The following PBX1 variants were observed in gnomAD, a reference collection of about 807,000 sequenced individuals.
The protein encoded by PBX1 is PBX homeobox 1.
A neutral mutation model predicts 53.4 loss-of-function variants in PBX1; 6 were observed. The ratio of observed to expected loss-of-function variants is 0.11; its 90% CI spans 0.06 to 0.22. The LOEUF (loss-of-function observed/expected upper bound fraction) is 0.22. Ranked by LOEUF, PBX1 falls within the 10% of genes least tolerant of loss-of-function variation. The pLI is 1.00. For synonymous variants in PBX1, 204 were observed against 212.3 expected (o/e 0.96, Z 0.34); for missense variants, 251 against 551.4 (o/e 0.46, Z 5.46).
In PBX1 at chr1:164,848,837, T is replaced by C. The variant is rs1289731312; in HGVS notation, c.*2161T>C. The C allele has an allele frequency of 3.8e-6, 4 of 1,064,752 alleles. No individual in the cohort carries two copies. The highest frequency in any genetic ancestry group is 9.1e-5 in the South Asian group (2 of 22,028). The allele number at this position is 1,064,752 out of a possible 1,614,324, so 66.0% of individuals were successfully genotyped here. A position where few individuals can be genotyped will look rare whatever the true frequency, so the allele number is the denominator to read the frequency against. On this transcript the variant is annotated 3_prime_UTR_variant, in exon 9 of 9. Transcript: ENST00000420696. ...AGTCATAAATAGAAAACACTGTGTG[T>C]GCTCAGGGGAGCAGGGGATGCCACT...
At chr1:164,794,954 A>G (rs1291897850) in intron 3 of PBX1, among the ~76,000 whole-genome samples, 1 of 152,206 alleles carries the variant, frequency 6.6e-6, no homozygotes, top group Non-Finnish European at 1.5e-5. Context: ...GTTGCCAGTA[A>G]TATGGAACTG....
At chr1:164,799,313 AC>A (rs1668942402) in intron 3 of PBX1, among the ~76,000 whole-genome samples, 1 of 151,966 alleles carries the variant, frequency 6.6e-6, no homozygotes. Flanking sequence ...ACACAGTGAA[AC>A]CCCGTCTCTA....
chr1:164,867,855 A>G (rs1443050071), intron 2 of PBX1, among the ~76,000 whole-genome samples: 1 of 152,224 alleles, frequency 6.6e-6, no homozygotes, highest in African/African-American at 2.4e-5. Context: ...TTTGCAGGAA[A>G]TTAACTGTAT....
chr1:164,651,652 G>A lies in PBX1; in HGVS notation c.265+88341G>A, dbSNP rs1344193177. On this transcript the variant is annotated intron_variant, in intron 2 of 8. Coordinates refer to ENST00000420696, the MANE Select transcript of PBX1 (RefSeq NM_002585.4). ...CCTCCAAAAAGAAGAACAGTTGAAG[G>A]TGGGGGGAGAAGAAAGGAGGGGAAT... Among the ~76,000 whole-genome samples the A allele has an allele frequency of 5.3e-5, 8 of 152,124 alleles. No individual in the cohort carries two copies. In the East Asian group the frequency reaches 1.5e-3, roughly 29 times the overall value.
At chr1:164,585,689 A>G (rs1008841043) in intron 2 of PBX1, among the ~76,000 whole-genome samples, 2 of 152,192 alleles carry the variant, frequency 1.3e-5, no homozygotes, top group Admixed American at 6.5e-5. Flanking sequence ...TAGAACCACA[A>G]TCTATTAAGA....
intron 2 of PBX1, among the ~76,000 whole-genome samples, chr1:164,877,135 A>C (rs1672532318): frequency 6.6e-6 from 1 of 151,788 alleles, no homozygotes; most frequent in Non-Finnish European, 1.5e-5. Flanking sequence ...GAAACACTGA[A>C]TTTTGTCAAG....
At chr1:164,717,322 A>G (rs1332462466) in intron 2 of PBX1, among the ~76,000 whole-genome samples, 1 of 151,934 alleles carries the variant, frequency 6.6e-6, no homozygotes, top group African/African-American at 2.4e-5. Context: ...GGAGACTTTT[A>G]TTTGCCTGTG....
intron 2 of PBX1, among the ~76,000 whole-genome samples, chr1:164,788,234 T>C (rs1668301323): frequency 6.6e-6 from 1 of 152,112 alleles, no homozygotes; most frequent in South Asian, 2.1e-4. Flanking sequence ...AAAGGTTCAT[T>C]TGAGTCTTGC....
intron 2 of PBX1, among the ~76,000 whole-genome samples, chr1:164,861,202 G>A (rs1039062674): frequency 6.6e-6 from 1 of 152,118 alleles, no homozygotes; most frequent in Non-Finnish European, 1.5e-5. Context: ...CAGGATCTCG[G>A]TAGTTAGAAG....
At chr1:164,711,338 A>G (rs1054753427) in intron 2 of PBX1, among the ~76,000 whole-genome samples, 2 of 152,182 alleles carry the variant, frequency 1.3e-5, no homozygotes, top group African/African-American at 4.8e-5. Context: ...ATCTCGGCTC[A>G]CTGCAAGCTC....
intron 2 of PBX1, among the ~76,000 whole-genome samples, chr1:164,568,909 A>G (rs1454100003): frequency 6.6e-6 from 1 of 152,256 alleles, no homozygotes; most frequent in Non-Finnish European, 1.5e-5. Context: ...AATAAGGTCA[A>G]TAGTGTCTTA....
chr1:164,865,561 G>T lies in PBX1; in HGVS notation n.258-33627G>T, dbSNP rs141872871. 7.4e-3 allele frequency among the ~76,000 whole-genome samples: 1,130 copies of T among 152,260 alleles called. 10 individuals are homozygous for T. Among genetic ancestry groups the T allele is most frequent in the African/African-American group, 0.026 (1,092 of 41,550 alleles). The stretch of plus-strand genomic sequence containing the variant: ...GTTCTACGATTTTTGCACATACTCA[G>T]TTCTCTCAACAGCTCTAAGTAGGTG... On this transcript the variant is annotated intron_variant and non_coding_transcript_variant, in intron 2 of 2. Coordinates refer to the PBX1 transcript ENST00000558796.
At position 164,706,585 on chromosome 1, in the gene PBX1, A is replaced by G. The variant is rs536461180; in HGVS notation, c.266-85909A>G. ...GTCCTGCCTGGATTCATGCAGTCAC[A>G]TATATATGATATACCTTTTTTTGAA... is the stretch of plus-strand genomic sequence containing the variant. On this transcript the variant is annotated intron_variant, in intron 2 of 8. Coordinates refer to ENST00000420696, the MANE Select transcript of PBX1 (RefSeq NM_002585.4). Among the ~76,000 whole-genome samples the G allele has an allele frequency of 2.0e-5, 3 of 152,334 alleles. No individual in the cohort carries two copies. In the South Asian group the frequency reaches 6.2e-4, roughly 32 times the overall value.
intron 2 of PBX1, among the ~76,000 whole-genome samples, chr1:164,873,667 G>A (rs1672433004): frequency 6.6e-6 from 1 of 152,190 alleles, no homozygotes; most frequent in African/African-American, 2.4e-5. Flanking sequence ...AGCATCAAAG[G>A]AAAGCCAGAG....
chr1:164,628,255 A>G (rs1011383618), intron 2 of PBX1, among the ~76,000 whole-genome samples: 1 of 152,246 alleles, frequency 6.6e-6, no homozygotes, highest in Non-Finnish European at 1.5e-5. Flanking sequence ...ATGAGACTAT[A>G]AATCAGTTTA....
intron 2 of PBX1, among the ~76,000 whole-genome samples, chr1:164,687,291 G>A (rs557921401): frequency 3.3e-5 from 5 of 152,238 alleles, no homozygotes; most frequent in East Asian, 1.9e-4. Context: ...GGCCAGACAC[G>A]TGGCTCACAC....
At chr1:164,710,507 G>A (rs1663693780) in intron 2 of PBX1, among the ~76,000 whole-genome samples, 2 of 152,088 alleles carry the variant, frequency 1.3e-5, no homozygotes, top group Admixed American at 1.3e-4. Context: ...CACCTCCTGG[G>A]TTCAAGCGAT....
At chr1:164,793,827 C>A (rs1249880301) in intron 3 of PBX1, among the ~76,000 whole-genome samples, 2 of 133,984 alleles carry the variant, frequency 1.5e-5, no homozygotes, top group African/African-American at 5.5e-5. Flanking sequence ...TTCTTCTTTT[C>A]TTTCCTTTGC....
chr1:164,768,377 G>A (rs1398771767), intron 2 of PBX1, among the ~76,000 whole-genome samples: 1 of 152,208 alleles, frequency 6.6e-6, no homozygotes. Context: ...CCAGGACACA[G>A]AGGGGCACAG....
Sources: gnomAD v4.1 joint callset for allele counts (sites outside exome capture counted in the v4.1 genomes callset) on GRCh38, gnomAD v4.1.1 for gene constraint, MANE v1.5 for transcripts, NCBI Gene and HGNC (gene_info 2026-07-23, HGNC 2026-07-21) for gene names.